Variants in ATM observed in about 807,000 individuals in gnomAD.
The protein encoded by ATM is ATM serine/threonine kinase, also known as serine-protein kinase ATM.
Under a neutral mutation model 387.0 loss-of-function variants are expected in ATM, and 308 were observed. The observed-to-expected ratio is 0.80, with a 90% confidence interval of 0.73 to 0.87. ATM has a LOEUF of 0.87. ATM is among the 40% of genes least tolerant of loss of function. The pLI, the probability that ATM is intolerant of heterozygous loss-of-function variation, is 0.00. For missense variants in ATM, 3,312 were observed against 3,560.9 expected (o/e 0.93, Z 1.78); for synonymous variants, 1,156 against 1,187.3 (o/e 0.97, Z 0.54).
chr11:108,273,331 C>CTTTTTTTTTTTTTTTTTTTTTTTT (rs563140198), intron 22 of ATM, among the ~76,000 whole-genome samples: 4 of 80,660 alleles, frequency 5.0e-5, no homozygotes, highest in African/African-American at 1.7e-4. Flanking sequence ...TAATTTCATT[C>CTTTTTTTTTTTTTTTTTTTTTTTT]TTTTTTTTTT....
Position 108,293,392 on chromosome 11 carries a change from C to T in ATM, c.4691C>T (p.Pro1564Leu), listed in dbSNP as rs1064793971. Residue 1564 changes from proline to leucine, a missense_variant, in exon 31 of 63, where the codon CCT becomes CTT. Pro to Leu is a moderately conservative substitution (Grantham distance 98). This residue lies in a region of ATM where 1,405 missense variants were observed against 1,604.4 expected (regional missense o/e 0.88). Coordinates refer to ENST00000675843, the MANE Select transcript of ATM (RefSeq NM_000051.4). ...NLYITIKLLD[P>L]FPDHVVFKDL... ...TATATCACGATTAAGCTTTTAGATC[C>T]TTTTCCTGACCATGTTGTTTTTAAG... 1 of 1,608,812 alleles carries T rather than the reference C, an allele frequency of 6.2e-7. No individual in the cohort carries two copies. The highest frequency in any genetic ancestry group is 1.7e-5 in the Admixed American group (1 of 59,962).
At chr11:108,233,640 A>C (rs1285840655) in intron 4 of ATM, among the ~76,000 whole-genome samples, 7 of 151,898 alleles carry the variant, frequency 4.6e-5, no homozygotes, top group Non-Finnish European at 7.4e-5. Context: ...TGATCCCAGA[A>C]GTTTGAGACC....
chr11:108,360,655 T>C (rs2090616770), intron 61 of ATM, among the ~76,000 whole-genome samples: 2 of 149,418 alleles, frequency 1.3e-5, no homozygotes, highest in Admixed American at 1.3e-4. Flanking sequence ...TGCAAATCAA[T>C]AAATGTAATC....
chr11:108,282,628 C>A (rs2135684020), intron 24 of ATM, 82 bp from the exon 25 acceptor site: 1 of 1,322,952 alleles, frequency 7.6e-7, no homozygotes, highest in Non-Finnish European at 1.1e-6. Flanking sequence ...TTTCTAGGTC[C>A]TACTCTAAAT....
intron 59 of ATM, 112 bp from the exon 60 acceptor site, chr11:108,353,654 C>A: frequency 1.2e-6 from 1 of 840,708 alleles, no homozygotes; most frequent in Non-Finnish European, 2.0e-6. Context: ...TACTAGTGTT[C>A]ATAGAACGTA....
intron 16 of ATM, among the ~76,000 whole-genome samples, chr11:108,262,600 A>ATCAT (rs1379939400): frequency 3.3e-5 from 5 of 152,248 alleles, no homozygotes; most frequent in African/African-American, 1.2e-4. Context: ...ACCAGCTAAC[A>ATCAT]TCATAATGAC....
intron 38 of ATM, among the ~76,000 whole-genome samples, chr11:108,308,311 C>CT (rs1432934489): frequency 6.6e-6 from 1 of 152,138 alleles, no homozygotes; most frequent in African/African-American, 2.4e-5. Flanking sequence ...TGTATTACCC[C>CT]TCTTTTTACT....
At chr11:108,226,277 CT>C (rs2078732477) in intron 1 of ATM, 1 of 152,110 alleles carries the variant, frequency 6.6e-6, no homozygotes, top group Non-Finnish European at 1.5e-5. Context: ...ATAGGTAGCC[CT>C]TCAAGCCATA....
chr11:108,344,830 C>T (rs1264405894), intron 57 of ATM, among the ~76,000 whole-genome samples: 1 of 151,594 alleles, frequency 6.6e-6, no homozygotes, highest in Non-Finnish European at 1.5e-5. Flanking sequence ...ATAGTGAGAC[C>T]ACATCTCTAC....
intron 16 of ATM, among the ~76,000 whole-genome samples, chr11:108,261,662 G>C (rs1468537999): frequency 6.6e-6 from 1 of 152,116 alleles, no homozygotes; most frequent in African/African-American, 2.4e-5. Context: ...AGAGAAGAAG[G>C]CTTCAGACGA....
intron 4 of ATM, chr11:108,230,949 G>C (rs1240169687): frequency 1.3e-5 from 2 of 152,268 alleles, no homozygotes; most frequent in Non-Finnish European, 2.9e-5. Context: ...TGATTTTCCC[G>C]CCTTGGCCTC....
At chr11:108,301,533 A>G (rs936694492) in intron 34 of ATM, 115 bp from the exon 35 acceptor site, 18 of 1,291,732 alleles carry the variant, frequency 1.4e-5, no homozygotes, top group Admixed American at 5.8e-5. Flanking sequence ...TTGTAAATGT[A>G]AAGTTTCCTA....
chr11:108,357,585 C>A (rs2090151917), intron 61 of ATM, among the ~76,000 whole-genome samples: 1 of 152,200 alleles, frequency 6.6e-6, no homozygotes, highest in Admixed American at 6.5e-5. Context: ...TCCCAGCACG[C>A]AGCTGGAGAT....
At chr11:108,342,698 A>T (rs567080147) in intron 56 of ATM, among the ~76,000 whole-genome samples, 20 of 152,224 alleles carry the variant, frequency 1.3e-4, no homozygotes, top group African/African-American at 2.2e-4. Context: ...ATATAATTTT[A>T]AAAAACTTTC....
At chr11:108,353,687 T>C (rs1057310310) in intron 59 of ATM, 79 bp from the exon 60 acceptor site, 2 of 1,190,920 alleles carry the variant, frequency 1.7e-6, no homozygotes, top group African/African-American at 1.5e-5. Context: ...TTTCTTGCCT[T>C]TGTAAAGTTC....
intron 61 of ATM, among the ~76,000 whole-genome samples, chr11:108,362,192 G>T (rs2090845511): frequency 6.9e-6 from 1 of 145,104 alleles, no homozygotes; most frequent in Non-Finnish European, 1.5e-5. Flanking sequence ...AAAAACACAT[G>T]AAAAAATGCT....
At chr11:108,305,565 C>T (rs4988048) in intron 37 of ATM, among the ~76,000 whole-genome samples, 2,133 of 152,030 alleles carry the variant, frequency 0.014, 49 homozygotes, top group African/African-American at 0.048. Context: ...CCAGACTGAA[C>T]GACACAGCGA....
chr11:108,270,148 A>G (rs964769965), intron 18 of ATM, among the ~76,000 whole-genome samples: 7 of 152,244 alleles, frequency 4.6e-5, no homozygotes, highest in Non-Finnish European at 8.8e-5. Context: ...CTGGCTGCCC[A>G]GATAATAACT....
intron 29 of ATM, among the ~76,000 whole-genome samples, chr11:108,291,790 C>T (rs1350054178): frequency 6.6e-6 from 1 of 152,172 alleles, no homozygotes; most frequent in Non-Finnish European, 1.5e-5. Flanking sequence ...CAACACTTAG[C>T]CATGCTTGCA....
Sources: allele counts gnomAD v4.1 joint callset (sites outside exome capture counted in the v4.1 genomes callset), GRCh38; gene constraint gnomAD v4.1.1; regional missense constraint gnomAD v4.1.1; transcripts MANE v1.5; gene names NCBI Gene and HGNC (gene_info 2026-07-23, HGNC 2026-07-21).